Variants in RTL9 observed in about 807,000 individuals in gnomAD.
RTL9 encodes the protein retrotransposon Gag-like protein 9.
In RTL9, 19 loss-of-function variants were observed where a neutral mutation model predicts 44.7. The observed-to-expected ratio is 0.42, with a 90% CI of 0.30 to 0.62. The LOEUF (loss-of-function observed/expected upper bound fraction) is 0.62. Ranked by LOEUF, RTL9 falls within the 20% of genes least tolerant of loss-of-function variation. The probability of loss-of-function intolerance (pLI) is 0.16; values close to 1 mark genes in which losing one functional copy is unlikely to be tolerated. For missense variants in RTL9, 1,105 were observed against 1,080.6 expected (o/e 1.02, Z -0.32); for synonymous variants, 407 against 398.9 (o/e 1.02, Z -0.24).
intron 1 of RTL9, among the ~76,000 whole-genome samples, chrX:110,402,287 T>C (rs931691609): frequency 1.1e-4 from 12 of 113,176 alleles, no homozygotes; most frequent in African/African-American, 3.8e-4. Flanking sequence ...TATTTGTTTT[T>C]TGCCTATGAG....
At chrX:110,452,759 G>A (rs2068952470) in exon 1 of RTL9, 3 of 1,210,626 alleles carry the variant, frequency 2.5e-6, no homozygotes, top group Non-Finnish European at 3.4e-6. Flanking sequence ...GAGCCAAAGT[G>A]TCTGGAAAGA....
exon 1 of RTL9, chrX:110,454,185 G>A (rs765453809): frequency 2.5e-6 from 3 of 1,211,810 alleles, no homozygotes; most frequent in Non-Finnish European, 3.4e-6. Flanking sequence ...GGCATTTCTG[G>A]TATCTCTTCA....
chrX:110,440,318 T>C (rs2068870835), intron 1 of RTL9: 1 of 112,098 alleles, frequency 8.9e-6, no homozygotes, highest in Admixed American at 9.4e-5. Flanking sequence ...ATTCCAAAAG[T>C]GGCATCCACA....
chrX:110,360,970 G>T (rs1246955083), intron 1 of RTL9, among the ~76,000 whole-genome samples: 2 of 111,377 alleles, frequency 1.8e-5, no homozygotes, highest in African/African-American at 6.5e-5. Context: ...CGATCTTCGT[G>T]GCTTAATATA....
At chrX:110,408,414 C>T (rs971741269) in intron 1 of RTL9, among the ~76,000 whole-genome samples, 1 of 112,502 alleles carries the variant, frequency 8.9e-6, no homozygotes, top group Non-Finnish European at 1.9e-5. Context: ...CCAACGCCCA[C>T]GACAGACTTG....
chrX:110,439,909 AC>A (rs2068867486), intron 1 of RTL9: 1 of 110,715 alleles, frequency 9.0e-6, no homozygotes, highest in African/African-American at 3.3e-5. Context: ...AGAATTTGGA[AC>A]AGGAAAATGG....
Position 110,364,375 on chromosome X carries a change from C to T in RTL9, c.-168+5459C>T, listed in dbSNP as rs190777332. 1.3e-4 allele frequency among the ~76,000 whole-genome samples: 15 copies of T among 111,176 alleles called. No homozygotes were observed. In the East Asian group the frequency reaches 2.0e-3, roughly 15 times the overall value. On this transcript the variant is annotated intron_variant, in intron 1 of 2. Coordinates refer to the RTL9 transcript ENST00000520821. The stretch of plus-strand genomic sequence containing the variant: ...TCCAGTTGGATGTAACTTTTGGGGG[C>T]GGTGACACAATTCAACCCACTATGT...
chrX:110,394,133 TCTTA>T (rs2148289462), intron 1 of RTL9, among the ~76,000 whole-genome samples: 1 of 113,063 alleles, frequency 8.8e-6, no homozygotes, highest in East Asian at 2.8e-4. Context: ...CAAATAATTC[TCTTA>T]CTTGTTTTTA....
At chrX:110,366,771 C>T (rs760953) in intron 1 of RTL9, among the ~76,000 whole-genome samples, 8,182 of 111,715 alleles carry the variant, frequency 0.073, 435 homozygotes, top group African/African-American at 0.18. Context: ...TGGATAAAAG[C>T]TTATAACCGT....
chrX:110,364,376 G>A (rs745894464), intron 1 of RTL9, among the ~76,000 whole-genome samples: 1 of 111,088 alleles, frequency 9.0e-6, no homozygotes, highest in African/African-American at 3.3e-5. Context: ...TTTTGGGGGC[G>A]GTGACACAAT....
At chrX:110,394,930 C>CAGGCTTATACTAGCCT (rs1229237551) in intron 1 of RTL9, among the ~76,000 whole-genome samples, 1 of 112,893 alleles carries the variant, frequency 8.9e-6, no homozygotes, top group African/African-American at 3.2e-5. Flanking sequence ...GTGCCAGCCT[C>CAGGCTTATACTAGCCT]AGGCTTATAC....
chrX:110,360,006 A>G (rs1438519036), intron 1 of RTL9, among the ~76,000 whole-genome samples: 1 of 112,150 alleles, frequency 8.9e-6, no homozygotes, highest in Admixed American at 9.5e-5. Context: ...CATGCAGAGA[A>G]AAGCATAGTA....
At chrX:110,377,828 T>C (rs1433107239) in intron 1 of RTL9, among the ~76,000 whole-genome samples, 1 of 107,933 alleles carries the variant, frequency 9.3e-6, no homozygotes, top group African/African-American at 3.4e-5. Flanking sequence ...GCTAACACGG[T>C]GAAACCCCGT....
At chrX:110,392,180 A>T (rs1430853679) in intron 1 of RTL9, among the ~76,000 whole-genome samples, 1 of 111,520 alleles carries the variant, frequency 9.0e-6, no homozygotes. Context: ...TCAAGTAATT[A>T]TTCAACTATC....
At chrX:110,441,333 C>T (rs979874280) in intron 1 of RTL9, among the ~76,000 whole-genome samples, 2 of 112,023 alleles carry the variant, frequency 1.8e-5, no homozygotes, top group Admixed American at 1.9e-4. Flanking sequence ...TGATTGGTAG[C>T]CACTACCTGC....
intron 1 of RTL9, among the ~76,000 whole-genome samples, chrX:110,373,892 G>A (rs951097845): frequency 2.7e-5 from 3 of 111,675 alleles, no homozygotes; most frequent in Non-Finnish European, 5.7e-5. Context: ...AAAGTCAAAT[G>A]ACAGTTTAAA....
At chrX:110,419,389 A>G (rs938619189) in intron 1 of RTL9, among the ~76,000 whole-genome samples, 3 of 112,625 alleles carry the variant, frequency 2.7e-5, no homozygotes, top group Non-Finnish European at 5.6e-5. Context: ...CCTCCTGAGA[A>G]GAGCCTTCTC....
intron 1 of RTL9, among the ~76,000 whole-genome samples, chrX:110,432,074 C>A (rs2068801253): frequency 1.8e-5 from 2 of 111,914 alleles, no homozygotes; most frequent in Non-Finnish European, 3.8e-5. Context: ...AGCTTTATGG[C>A]AGATGCTGAG....
chrX:110,387,994 T>A (rs765456810), intron 1 of RTL9, among the ~76,000 whole-genome samples: 1 of 109,080 alleles, frequency 9.2e-6, no homozygotes, highest in South Asian at 4.1e-4. Flanking sequence ...CCCAAGTAGC[T>A]GGGACAACAG....
Sources: gnomAD v4.1 joint callset for allele counts (sites outside exome capture counted in the v4.1 genomes callset) on GRCh38, gnomAD v4.1.1 for gene constraint, MANE v1.5 for transcripts, NCBI Gene and HGNC (gene_info 2026-07-23, HGNC 2026-07-21) for gene names.